PRIM2: variants seen among roughly 807,000 people sequenced by gnomAD.
PRIM2 encodes DNA primase subunit 2.
A neutral mutation model predicts 67.3 loss-of-function variants in PRIM2; 39 were observed. The observed-to-expected ratio is 0.58, with a 90% CI of 0.45 to 0.76. The LOEUF (loss-of-function observed/expected upper bound fraction) is 0.76. PRIM2 is among the 30% of genes least tolerant of loss of function. PRIM2 has a pLI of 0.00. For missense variants in PRIM2, 398 were observed against 598.7 expected (o/e 0.66, Z 3.50); for synonymous variants, 143 against 198.7 (o/e 0.72, Z 2.36).
At chr6:57,314,079 A>G (rs906754388), upstream of PRIM2, among the ~76,000 whole-genome samples, 13 of 152,226 alleles carry the variant, frequency 8.5e-5, no homozygotes, top group African/African-American at 2.9e-4. Flanking sequence ...TAGGAAGCCA[A>G]CTCATTCTGG....
At chr6:57,353,910 G>A (rs1328290629) in intron 5 of PRIM2, among the ~76,000 whole-genome samples, 13 of 152,158 alleles carry the variant, frequency 8.5e-5, no homozygotes, top group African/African-American at 3.1e-4. Context: ...GGTGCTTCGG[G>A]TGGGTTAAGA....
intron 7 of PRIM2, among the ~76,000 whole-genome samples, chr6:57,484,329 G>A (rs1773696056): frequency 6.6e-6 from 1 of 152,188 alleles, no homozygotes; most frequent in Admixed American, 6.6e-5. Flanking sequence ...AACAGAGATA[G>A]GGATTGTTGT....
chr6:57,631,168 T>C, intron 12 of PRIM2, among the ~76,000 whole-genome samples: 1 of 152,296 alleles, frequency 6.6e-6, no homozygotes, highest in Non-Finnish European at 1.5e-5. Context: ...CTATATTCAA[T>C]AATGAGGATA....
chr6:57,494,406 C>G lies in PRIM2; in HGVS notation c.694-12981C>G, dbSNP rs1554346223. Reference sequence around the variant, plus strand: ...TTACCGTAGAATCTAATTATTGTCTCTAATCTAAAAGGAGATAGAAAAATG... The same window carrying G: ...TTACCGTAGAATCTAATTATTGTCTGTAATCTAAAAGGAGATAGAAAAATG... On this transcript the variant is annotated intron_variant, in intron 7 of 13. Transcript: ENST00000615550. Among the ~76,000 whole-genome samples the G allele has an allele frequency of 1.4e-4, 22 of 152,138 alleles. No homozygotes were observed. The South Asian group carries it at 4.6e-3, about 32-fold the overall frequency.
intron 7 of PRIM2, among the ~76,000 whole-genome samples, chr6:57,434,289 T>A (rs535302595): frequency 6.6e-6 from 1 of 152,206 alleles, no homozygotes; most frequent in South Asian, 2.1e-4. Context: ...GGTTAACACA[T>A]GTAAAGCACT....
At chr6:57,222,015 C>G in the PRIM2 span, 1 of 152,258 alleles carries the variant, frequency 6.6e-6, no homozygotes, top group South Asian at 2.1e-4. Flanking sequence ...GCGCGAGCCG[C>G]TACTCACCGT....
chr6:57,227,905 C>G, the PRIM2 span, among the ~76,000 whole-genome samples: 1 of 152,158 alleles, frequency 6.6e-6, no homozygotes, highest in Non-Finnish European at 1.5e-5. Context: ...TGTGCTAATA[C>G]TTGTGCATCA....
chr6:57,229,227 T>C, the PRIM2 span, among the ~76,000 whole-genome samples: 1 of 152,192 alleles, frequency 6.6e-6, no homozygotes, highest in East Asian at 1.9e-4. Flanking sequence ...GAGAGGCTGA[T>C]CCTAAACCCC....
chr6:57,390,924 A>G (rs1200636008), intron 7 of PRIM2, among the ~76,000 whole-genome samples: 3 of 152,164 alleles, frequency 2.0e-5, no homozygotes, highest in Non-Finnish European at 4.4e-5. Context: ...GCAAGGTTGA[A>G]TGATAGTTCT....
chr6:57,307,506 G>T, the PRIM2 span, among the ~76,000 whole-genome samples: 3 of 152,018 alleles, frequency 2.0e-5, no homozygotes, highest in Admixed American at 6.5e-5. Flanking sequence ...CCAAAGTGCT[G>T]GGATTACAGG....
chr6:57,494,266 C>A (rs1461752632), intron 7 of PRIM2, among the ~76,000 whole-genome samples: 1 of 152,090 alleles, frequency 6.6e-6, no homozygotes, highest in Non-Finnish European at 1.5e-5. Flanking sequence ...AAAGTGGCAG[C>A]TCATCATTTT....
chr6:57,390,124 A>G (rs9475908), intron 7 of PRIM2: 6,266 of 154,918 alleles, frequency 0.04, 407 homozygotes, highest in African/African-American at 0.14. Flanking sequence ...GTTGAAAGCC[A>G]TGAGACTATT....
the PRIM2 span, among the ~76,000 whole-genome samples, chr6:57,230,093 T>C: frequency 6.6e-6 from 1 of 152,232 alleles, no homozygotes; most frequent in Non-Finnish European, 1.5e-5. Context: ...CCACATCACA[T>C]AGGTAGCATA....
At chr6:57,311,322 A>G (rs1484408472), upstream of PRIM2, among the ~76,000 whole-genome samples, 6 of 83,576 alleles carry the variant, frequency 7.2e-5, no homozygotes, top group South Asian at 4.7e-4. Flanking sequence ...ATTCAGGGCA[A>G]CCAGGCAGAG....
chr6:57,352,370 A>G (rs1193406385), intron 5 of PRIM2, among the ~76,000 whole-genome samples: 1 of 151,996 alleles, frequency 6.6e-6, no homozygotes, highest in Admixed American at 6.5e-5. Flanking sequence ...CCTCTTAAGT[A>G]GCTGGGATTA....
At chr6:57,401,571 A>C (rs1298976256) in intron 7 of PRIM2, among the ~76,000 whole-genome samples, 2 of 151,710 alleles carry the variant, frequency 1.3e-5, no homozygotes, top group African/African-American at 4.8e-5. Flanking sequence ...GCAGCTTGGC[A>C]CTCCTGGGCC....
chr6:57,506,091 A>G (rs1455320708), intron 7 of PRIM2, among the ~76,000 whole-genome samples: 2 of 150,682 alleles, frequency 1.3e-5, no homozygotes, highest in Non-Finnish European at 3.0e-5. Context: ...TATGTTACAT[A>G]TAGGTTACTT....
In PRIM2 at chr6:57,642,529, G is replaced by A. The variant is rs1450013200; in HGVS notation, c.1300-3399G>A. On this transcript the variant is annotated intron_variant, in intron 13 of 13. Coordinates refer to ENST00000615550, the MANE Select transcript of PRIM2 (RefSeq NM_000947.5). The stretch of plus-strand genomic sequence containing the variant: ...GCGATCTCGACTCACTGCAAGCTCC[G>A]CCTCCCGGGTTCACGCCATTCTCCT... Among the ~76,000 whole-genome samples the A allele has an allele frequency of 2.5e-4, 31 of 125,710 alleles. No homozygotes were observed. In the South Asian group the frequency reaches 6.5e-3, roughly 26 times the overall value. The allele number at this position is 125,710 out of a possible 152,430, so 82.5% of individuals were successfully genotyped here. A position where few individuals can be genotyped will look rare whatever the true frequency, so the allele number is the denominator to read the frequency against.
At chr6:57,293,589 A>G in the PRIM2 span, among the ~76,000 whole-genome samples, 1 of 152,240 alleles carries the variant, frequency 6.6e-6, no homozygotes, top group Admixed American at 6.5e-5. Context: ...ACTAACCCAC[A>G]TGTCCATCAA....
Sources: allele counts gnomAD v4.1 joint callset (sites outside exome capture counted in the v4.1 genomes callset), GRCh38; gene constraint gnomAD v4.1.1; transcripts MANE v1.5; gene names NCBI Gene and HGNC (gene_info 2026-07-23, HGNC 2026-07-21).